Variants in ARHGEF18 observed in about 807,000 individuals in gnomAD.
The protein encoded by ARHGEF18 is rho guanine nucleotide exchange factor 18.
Under a neutral mutation model 155.7 loss-of-function variants are expected in ARHGEF18, and 93 were observed. The ratio of observed to expected loss-of-function variants is 0.60; its 90% CI spans 0.50 to 0.71. The LOEUF (loss-of-function observed/expected upper bound fraction) is 0.71. ARHGEF18 is among the 30% of genes least tolerant of loss of function. ARHGEF18 has a pLI of 0.00. For missense variants in ARHGEF18, 1,593 were observed against 1,816.1 expected (o/e 0.88, Z 2.23); for synonymous variants, 742 against 753.1 (o/e 0.99, Z 0.24).
At chr19:7,415,608 C>A (rs1458543617) in intron 10 of ARHGEF18, among the ~76,000 whole-genome samples, 1 of 152,078 alleles carries the variant, frequency 6.6e-6, no homozygotes, top group Non-Finnish European at 1.5e-5. Flanking sequence ...CTCCACCCTG[C>A]CCTTTCCTTT....
rs368866290 is a variant in ARHGEF18, at chr19:7,467,018, C to T, written c.2961+44C>T. 85 of 1,612,236 alleles carry T rather than the reference C, an allele frequency of 5.3e-5. No homozygotes were observed. The highest frequency in any genetic ancestry group is 2.0e-4 in the Admixed American group (12 of 59,960). The stretch of plus-strand genomic sequence containing the variant: ...CCATCTCCCCAGGGCCTTGTGCACG[C>T]GCGTGTGGCCTCAGCCCGATAACTA... On this transcript the variant is annotated intron_variant, in intron 24 of 28. Transcript: ENST00000668164.
intron 10 of ARHGEF18, among the ~76,000 whole-genome samples, chr19:7,437,527 T>C (rs1055137017): frequency 3.3e-5 from 5 of 152,108 alleles, no homozygotes; most frequent in Non-Finnish European, 7.4e-5. Flanking sequence ...CCATGGTTTA[T>C]AACTCCGTGT....
chr19:7,457,353 C>CT (rs1159186670), intron 18 of ARHGEF18, among the ~76,000 whole-genome samples: 2,132 of 60,174 alleles, frequency 0.035, 537 homozygotes, highest in African/African-American at 0.12. Context: ...AATCACCTCT[C>CT]TTTTTTTTTT....
At chr19:7,381,090 G>C in intron 8 of ARHGEF18, 96 bp downstream of exon 8, 1 of 940,630 alleles carries the variant, frequency 1.1e-6, no homozygotes, top group Non-Finnish European at 1.4e-6. Flanking sequence ...GCTGGGGGCA[G>C]GAGCTGGAGC....
chr19:7,389,398 G>A (rs1342846815), intron 10 of ARHGEF18, among the ~76,000 whole-genome samples: 3 of 147,134 alleles, frequency 2.0e-5, no homozygotes, highest in African/African-American at 2.5e-5. Flanking sequence ...GGGCTCAAGC[G>A]ATCCACCCAC....
At chr19:7,472,806 TCTC>T (rs35359056), downstream of ARHGEF18, 126,681 of 362,000 alleles carry the variant, frequency 0.35, 23,333 homozygotes, top group East Asian at 0.49. Flanking sequence ...TTCAAGCACT[TCTC>T]CTGCCTCAGC....
At position 7,373,024 on chromosome 19, in the gene ARHGEF18, G is replaced by C; in HGVS notation, c.228G>C (p.Arg76Ser). The C allele has an allele frequency of 8.1e-7, 1 of 1,234,438 alleles. No individual in the cohort carries two copies. The highest frequency in any genetic ancestry group is 4.1e-5 in the South Asian group (1 of 24,416). 76.5% of individuals were successfully genotyped at this position (1,234,438 alleles called of 1,614,324 possible). Residue 76 changes from arginine (R) to serine (S), a missense_variant, in exon 3 of 29, where the codon AGG becomes AGC. By Grantham distance (110) the Arg-to-Ser change is moderately radical. Transcript: ENST00000668164. ...SSLAGSQDLS[R>S]RRSWERSRSC... ...TGGCAGGGTCCCAAGACCTGTCAAG[G>C]CGGCGCAGCTGGGAAAGGTCGCGGA...
At chr19:7,393,047 C>CAAAAAAAAAAAA (rs60015151) in intron 10 of ARHGEF18, among the ~76,000 whole-genome samples, 3 of 56,684 alleles carry the variant, frequency 5.3e-5, no homozygotes, top group Admixed American at 2.5e-4. Context: ...GATCCTGTCT[C>CAAAAAAAAAAAA]AAAAAAAAAA....
intron 10 of ARHGEF18, among the ~76,000 whole-genome samples, chr19:7,403,436 G>A (rs1972122963): frequency 6.6e-6 from 1 of 151,960 alleles, no homozygotes; most frequent in African/African-American, 2.4e-5. Flanking sequence ...TCATATCAGT[G>A]GAATCTTACA....
chr19:7,451,099 G>C (rs576116162), intron 15 of ARHGEF18, 50 bp from the exon 16 acceptor site: 5 of 1,397,662 alleles, frequency 3.6e-6, no homozygotes, highest in Non-Finnish European at 4.7e-6. Context: ...ACAGGATCTT[G>C]CTGTCCGTTT....
At chr19:7,457,873 A>G (rs33988103) in intron 18 of ARHGEF18, among the ~76,000 whole-genome samples, 32,087 of 152,042 alleles carry the variant, frequency 0.21, 3,517 homozygotes, top group East Asian at 0.28. Context: ...GAGGCACAAG[A>G]CAGAGATGGG....
At chr19:7,361,927 G>A (rs1423640348) in intron 1 of ARHGEF18, among the ~76,000 whole-genome samples, 1 of 151,606 alleles carries the variant, frequency 6.6e-6, no homozygotes, top group Non-Finnish European at 1.5e-5. Context: ...GGGAGGCGGA[G>A]GTTGTGGTGA....
chr19:7,459,385 T>C (rs572716635), intron 19 of ARHGEF18, among the ~76,000 whole-genome samples: 1 of 152,210 alleles, frequency 6.6e-6, no homozygotes, highest in East Asian at 1.9e-4. Flanking sequence ...CACACCCAGC[T>C]AGATTTTTTA....
chr19:7,474,115 G>GTGGGTGA, downstream of ARHGEF18, among the ~76,000 whole-genome samples: 1 of 151,980 alleles, frequency 6.6e-6, no homozygotes, highest in Non-Finnish European at 1.5e-5. Flanking sequence ...GAGGCAGGCA[G>GTGGGTGA]ATCACCTGAG....
intron 10 of ARHGEF18, among the ~76,000 whole-genome samples, chr19:7,413,019 T>G (rs1027967980): frequency 4.6e-5 from 7 of 152,140 alleles, no homozygotes; most frequent in Admixed American, 3.9e-4. Flanking sequence ...AGTCACAGTT[T>G]CCCGTGACCT....
chr19:7,471,698 AGG>A lies in ARHGEF18; in HGVS notation c.*1403_*1404del, dbSNP rs932638853. 6.6e-6 allele frequency: 1 copy of A among 152,256 alleles called. No homozygotes were observed. The highest frequency in any genetic ancestry group is 1.5e-5 in the Non-Finnish European group (1 of 68,100). 9.4% of individuals were successfully genotyped at this position (152,256 alleles called of 1,614,324 possible). On this transcript the variant is annotated 3_prime_UTR_variant, in exon 29 of 29. Transcript: ENST00000668164. This position sits in a 1 kb window ranked among gnomAD's most constrained non-coding sequence, Gnocchi z 4.4. ...ACTCGGGGACAGATGGGCACAAGGG[AGG>A]GGAAACTCCATCAGGAAGTGCTCCC... is the stretch of plus-strand genomic sequence containing the variant.
chr19:7,466,212 C>T (rs536542818), intron 23 of ARHGEF18, among the ~76,000 whole-genome samples: 9 of 151,930 alleles, frequency 5.9e-5, no homozygotes, highest in South Asian at 2.1e-4. Context: ...GGTGAAACCC[C>T]GCCTCTACCA....
At chr19:7,375,996 G>A (rs1322354099) in intron 4 of ARHGEF18, 126 bp downstream of exon 4, 1 of 1,078,390 alleles carries the variant, frequency 9.3e-7, no homozygotes, top group Non-Finnish European at 1.2e-6. Flanking sequence ...GGTGGAGGCT[G>A]CTTATCTGTG....
intron 1 of ARHGEF18, among the ~76,000 whole-genome samples, chr19:7,358,172 T>A (rs1056065517): frequency 2.0e-5 from 3 of 151,008 alleles, no homozygotes; most frequent in Non-Finnish European, 4.4e-5. Flanking sequence ...CATCCATCCA[T>A]CCATCCATCC....
Sources: gnomAD v4.1 joint callset for allele counts (sites outside exome capture counted in the v4.1 genomes callset) on GRCh38, gnomAD v4.1.1 for gene constraint, Gnocchi (gnomAD v3.1) non-coding constraint, MANE v1.5 for transcripts, NCBI Gene and HGNC (gene_info 2026-07-23, HGNC 2026-07-21) for gene names.